SHTN1: variants seen among roughly 807,000 people sequenced by gnomAD.
SHTN1 encodes shootin 1, also known as shootin-1.
SHTN1 carries 42 observed loss-of-function variants against 83.1 expected under a neutral mutation model. The observed-to-expected ratio is 0.51, with a 90% CI of 0.39 to 0.65. SHTN1 has a LOEUF of 0.65. Ranked by LOEUF, SHTN1 falls within the 30% of genes least tolerant of loss-of-function variation. SHTN1 has a pLI of 0.00. For synonymous variants in SHTN1, 224 were observed against 247.7 expected (o/e 0.90, Z 0.90); for missense variants, 622 against 737.8 (o/e 0.84, Z 1.82).
At chr10:116,918,556 T>C (rs903206402) in intron 12 of SHTN1, among the ~76,000 whole-genome samples, 2 of 152,210 alleles carry the variant, frequency 1.3e-5, no homozygotes, top group Non-Finnish European at 2.9e-5. Flanking sequence ...CATCAGGTCA[T>C]AAAGTTAAAG....
At chr10:117,014,384 A>G (rs1464749385) in intron 2 of SHTN1, among the ~76,000 whole-genome samples, 1 of 152,214 alleles carries the variant, frequency 6.6e-6, no homozygotes, top group Non-Finnish European at 1.5e-5. Flanking sequence ...AATATATGAC[A>G]TTACCTTACT....
intron 12 of SHTN1, among the ~76,000 whole-genome samples, chr10:116,917,452 C>T (rs118163523): frequency 0.014 from 2,086 of 152,258 alleles, 26 homozygotes; most frequent in Middle Eastern, 0.031. Context: ...TTACAAGAAG[C>T]GTCACTACGC....
At chr10:117,058,389 G>A (rs1402027562) in intron 1 of SHTN1, among the ~76,000 whole-genome samples, 2 of 152,036 alleles carry the variant, frequency 1.3e-5, no homozygotes, top group African/African-American at 4.8e-5. Flanking sequence ...TTTTTCCAAA[G>A]AAGATATACA....
chr10:117,109,262 T>C (rs2133637255), intron 1 of SHTN1, among the ~76,000 whole-genome samples: 1 of 152,300 alleles, frequency 6.6e-6, no homozygotes, highest in African/African-American at 2.4e-5. Context: ...GATTCTAGTA[T>C]GTAGTCCATG....
chr10:116,929,828 T>C (rs772738511), intron 10 of SHTN1, 21 bp downstream of exon 10: 2 of 1,564,674 alleles, frequency 1.3e-6, no homozygotes, highest in Admixed American at 1.9e-5. Context: ...TAAGACATAG[T>C]AGCCTACTCA....
At chr10:116,963,212 C>CTACAGT (rs1241649824) in intron 3 of SHTN1, among the ~76,000 whole-genome samples, 2 of 149,764 alleles carry the variant, frequency 1.3e-5, no homozygotes, top group Non-Finnish European at 3.0e-5. Context: ...GCTGGGACTA[C>CTACAGT]AGGCGCCCGC....
rs1281291693 is a variant in SHTN1, at chr10:116,884,295, C to T, written c.*2049G>A. 2.2e-6 allele frequency: 1 copy of T among 457,180 alleles called. No individual in the cohort carries two copies. Among genetic ancestry groups the T allele is most frequent in the Admixed American group, 2.3e-5 (1 of 42,710 alleles). 28.3% of individuals were successfully genotyped at this position (457,180 alleles called of 1,614,324 possible). A position where few individuals can be genotyped will look rare whatever the true frequency, so the allele number is the denominator to read the frequency against. On this transcript the variant is annotated 3_prime_UTR_variant, in exon 17 of 17. Transcript: ENST00000355371. ...AGCCAGGGGCAAAACCCCCTCAAAA[C>T]CAAAGTGAAAAGGGAAAAACTGTAG...
intron 1 of SHTN1, among the ~76,000 whole-genome samples, chr10:117,092,447 T>C (rs754358774): frequency 4.6e-5 from 7 of 152,172 alleles, no homozygotes; most frequent in Non-Finnish European, 7.3e-5. Context: ...TAGGAGTAAA[T>C]CCCTGTGTGT....
chr10:116,969,838 T>C (rs2133460401), intron 2 of SHTN1, among the ~76,000 whole-genome samples: 1 of 152,328 alleles, frequency 6.6e-6, no homozygotes, highest in South Asian at 2.1e-4. Flanking sequence ...AAAACAGGGA[T>C]ATATAACAAG....
chr10:116,968,279 A>C (rs1044969291), intron 3 of SHTN1, among the ~76,000 whole-genome samples: 2 of 152,236 alleles, frequency 1.3e-5, no homozygotes, highest in African/African-American at 4.8e-5. Context: ...GCAGACTGCA[A>C]AACTGAATTT....
At chr10:117,103,957 C>T (rs1457555094) in intron 1 of SHTN1, among the ~76,000 whole-genome samples, 1 of 152,116 alleles carries the variant, frequency 6.6e-6, no homozygotes, top group Admixed American at 6.5e-5. Context: ...ATTAGTATTA[C>T]TAGATTAGGG....
intron 2 of SHTN1, among the ~76,000 whole-genome samples, chr10:116,977,697 C>T (rs1390416124): frequency 2.1e-5 from 3 of 142,736 alleles, no homozygotes; most frequent in African/African-American, 8.4e-5. Context: ...TGTTTTGAGA[C>T]AAGATCTCAC....
At chr10:116,957,433 T>C (rs1035767173) in intron 4 of SHTN1, among the ~76,000 whole-genome samples, 3 of 151,802 alleles carry the variant, frequency 2.0e-5, no homozygotes, top group East Asian at 2.0e-4. Context: ...TTTGCATTTT[T>C]AGTAGAGACG....
chr10:116,906,844 G>T, intron 14 of SHTN1, 97 bp from the exon 15 acceptor site: 2 of 1,008,512 alleles, frequency 2.0e-6, no homozygotes, highest in African/African-American at 1.7e-5. Flanking sequence ...ACCAGAATTT[G>T]AATGGAATTA....
chr10:116,976,945 T>A (rs529249156), intron 2 of SHTN1, among the ~76,000 whole-genome samples: 1 of 152,362 alleles, frequency 6.6e-6, no homozygotes, highest in African/African-American at 2.4e-5. Flanking sequence ...TGCCTACAGA[T>A]GTCATGAAAG....
At chr10:116,956,049 T>C (rs948974738) in intron 4 of SHTN1, among the ~76,000 whole-genome samples, 1 of 152,246 alleles carries the variant, frequency 6.6e-6, no homozygotes, top group Non-Finnish European at 1.5e-5. Flanking sequence ...TCCCATCTTT[T>C]AGGAATGTCA....
intron 1 of SHTN1, among the ~76,000 whole-genome samples, chr10:117,104,545 C>G (rs879867602): frequency 6.6e-6 from 1 of 152,064 alleles, no homozygotes; most frequent in Non-Finnish European, 1.5e-5. Context: ...CCGAGGCAGG[C>G]GGATCACGAG....
chr10:116,886,715 A>C, intron 16 of SHTN1, 149 bp from the exon 17 acceptor site: 2 of 1,092,500 alleles, frequency 1.8e-6, no homozygotes, highest in Non-Finnish European at 2.6e-6. Flanking sequence ...CCAGCCATTT[A>C]AAAGAAAAAA....
At chr10:116,903,444 G>C (rs1374176167) in intron 15 of SHTN1, among the ~76,000 whole-genome samples, 4 of 151,962 alleles carry the variant, frequency 2.6e-5, no homozygotes, top group Admixed American at 2.0e-4. Context: ...AGAATCGCTT[G>C]AACTCAGGAG....
Sources: gnomAD v4.1 joint callset for allele counts (sites outside exome capture counted in the v4.1 genomes callset) on GRCh38, gnomAD v4.1.1 for gene constraint, MANE v1.5 for transcripts, NCBI Gene and HGNC (gene_info 2026-07-23, HGNC 2026-07-21) for gene names.